The following AHNAK variants were observed in gnomAD, a reference collection of about 807,000 sequenced individuals.
The protein encoded by AHNAK is AHNAK nucleoprotein.
In AHNAK, 23 loss-of-function variants were observed where a neutral mutation model predicts 37.8. That is an observed-to-expected ratio of 0.61 (90% CI 0.44 to 0.86). AHNAK has a LOEUF of 0.86. Among genes scored for constraint, AHNAK ranks in the 40% least tolerant of loss-of-function variants. AHNAK has a pLI of 0.00. For missense variants in AHNAK, 7,411 were observed against 7,319.4 expected (o/e 1.01, Z -0.46); for synonymous variants, 2,481 against 2,636.3 (o/e 0.94, Z 1.80).
chr11:62,528,393 A>G lies in AHNAK; in HGVS notation c.6024T>C (p.Asp2008=). ...CACCTTCTACCTTGGGCACAGACAC[A>G]TCCATATCCCCTTTGACTTTGGGGC... is the stretch of plus-strand genomic sequence containing the variant. ...LKGPKVKGDM[D]VSVPKVEGEM... The change falls in exon 5 of 5, where the codon GAT becomes GAC. Residue 2008 remains aspartate (D), a synonymous_variant. Transcript: ENST00000378024. 6.2e-7 allele frequency: 1 copy of G among 1,613,132 alleles called. No individual in the cohort carries two copies. The highest frequency in any genetic ancestry group is 2.2e-5 in the East Asian group (1 of 44,806).
At position 62,450,129 on chromosome 11, in the gene AHNAK, ATT is replaced by A. The variant is rs1167126054; in HGVS notation, c.443-16240_443-16239del. Among the ~76,000 whole-genome samples the A allele has an allele frequency of 2.3e-4, 29 of 128,022 alleles. 1 individual carries two copies. Among genetic ancestry groups the A allele is most frequent in the East Asian group, 3.5e-4 (1 of 2,896 alleles). 84.0% of individuals were successfully genotyped at this position (128,022 alleles called of 152,430 possible). A position where few individuals can be genotyped will look rare whatever the true frequency, so the allele number is the denominator to read the frequency against. The stretch of plus-strand genomic sequence containing the variant: ...TTATTTTATTTTATTTTATTATTTT[ATT>A]TTATTTTATTTATTTTATTTATTTA... On this transcript the variant is annotated intron_variant, in intron 5 of 5. Transcript: ENST00000257247.
rs553021658 is a variant in AHNAK at position 62,529,598 on chromosome 11, C to G, written c.4819G>C (p.Asp1607His). The G allele has an allele frequency of 1.3e-5, 21 of 1,614,206 alleles. No homozygotes were observed. Among genetic ancestry groups the G allele is most frequent in the African/African-American group, 1.2e-4 (9 of 75,054 alleles). Residue 1607 changes from aspartate (D) to histidine (H), a missense_variant, in exon 5 of 5, where the codon GAC becomes CAC. By Grantham distance (81) the Asp-to-His change is moderately conservative (BLOSUM62 -1). Coordinates refer to ENST00000378024, the MANE Select transcript of AHNAK (RefSeq NM_001620.3). ...ACATCAATTTCAGGACCCTTCAAGT[C>G]TCCTTCCACTTTGGGAAGGGAAACA... is the stretch of plus-strand genomic sequence containing the variant. ...VDVSLPKVEG[D>H]LKGPEIDVKA... is the part of the protein sequence containing the mutation.
chr11:62,448,051 A>G (rs1938454555), intron 5 of AHNAK, among the ~76,000 whole-genome samples: 1 of 152,088 alleles, frequency 6.6e-6, no homozygotes, highest in Non-Finnish European at 1.5e-5. Flanking sequence ...GGAGCCAGCC[A>G]CGCAAAGGCA....
chr11:62,442,696 C>T (rs1360992522), intron 5 of AHNAK, among the ~76,000 whole-genome samples: 1 of 151,984 alleles, frequency 6.6e-6, no homozygotes, highest in East Asian at 2.0e-4. Context: ...CATGGCGAAA[C>T]CCATCTGTAC....
chr11:62,533,640 A>G lies in AHNAK; in HGVS notation c.777T>C (p.Asn259=), dbSNP rs761816916. ...PGIKVGGSGV[N]VNAKGLDLGG... ...CCAAGTCCAAGCCCTTTGCATTGAC[A>G]TTGACACCTGAGCCTCCCACCTTTA... The change falls in exon 5 of 5, where the codon AAT becomes AAC. Residue 259 remains asparagine, a synonymous_variant. Transcript: ENST00000378024. 1 of 1,614,114 alleles carries G rather than the reference A, an allele frequency of 6.2e-7. No homozygotes were observed. Among genetic ancestry groups the G allele is most frequent in the Non-Finnish European group, 8.5e-7 (1 of 1,180,022 alleles).
Position 62,535,085 on chromosome 11 carries a change from T to C in AHNAK, c.260A>G (p.His87Arg). Residue 87 changes from histidine to arginine, a missense_variant, in exon 4 of 5, where the codon CAC becomes CGC. His to Arg is a conservative substitution (Grantham distance 29). Transcript: ENST00000378024. ...MGHHTVGLKL[H>R]RKGDRSPEPG... ...CTCGGGAGAGCGGTCCCCCTTGCGG[T>C]GCAGCTTCAGGCCCACCGTGTGGTG... is the stretch of plus-strand genomic sequence containing the variant. 1 of 1,613,986 alleles carries C rather than the reference T, an allele frequency of 6.2e-7. No individual in the cohort carries two copies. Among genetic ancestry groups the C allele is most frequent in the Non-Finnish European group, 8.5e-7 (1 of 1,179,970 alleles).
Position 62,532,976 on chromosome 11 carries a change from C to A in AHNAK, c.1441G>T (p.Gly481Ter). 1 of 1,614,152 alleles carries A rather than the reference C, an allele frequency of 6.2e-7. No individual in the cohort carries two copies. Among genetic ancestry groups the A allele is most frequent in the Non-Finnish European group, 8.5e-7 (1 of 1,180,030 alleles). ...TTCACTTTAGTACCTTTCATCTTTC[C>A]TTCCAGCCCACCAGTAGCAATCTCA... Reference protein sequence around the residue: ...LPEIATGGLEGKMKGTKVKTP... With the variant: ...LPEIATGGLE The change falls in exon 5 of 5, where the codon GGA becomes TGA. Residue 481 changes from glycine (G) to a stop codon, truncating the protein, a stop_gained. Coordinates refer to ENST00000378024, the MANE Select transcript of AHNAK (RefSeq NM_001620.3). LOFTEE classifies it low-confidence loss of function (END_TRUNC).
At chr11:62,442,473 G>A (rs928873755) in intron 5 of AHNAK, among the ~76,000 whole-genome samples, 51 of 152,168 alleles carry the variant, frequency 3.4e-4, no homozygotes, top group African/African-American at 1.2e-3. Context: ...ACCTGAGGCC[G>A]GGAAGTCAAG....
intron 5 of AHNAK, among the ~76,000 whole-genome samples, chr11:62,464,063 C>T (rs1450161094): frequency 6.6e-6 from 1 of 151,200 alleles, no homozygotes; most frequent in Non-Finnish European, 1.5e-5. Flanking sequence ...CTACCGTGCC[C>T]GATGAGTTTT....
rs1940362377 is a variant in AHNAK at position 62,523,725 on chromosome 11, A to G, written c.10692T>C (p.Ser3564=). The change falls in exon 5 of 5, where the codon TCT becomes TCC. Residue 3564 remains serine, a synonymous_variant. Coordinates refer to ENST00000378024, the MANE Select transcript of AHNAK (RefSeq NM_001620.3). The part of the protein sequence containing the change: ...GPKVKGDVDI[S]LPKLEGDLKG... ...TCAGATCCCCTTCAAGTTTGGGAAG[A>G]GAAATATCCACATCACCTTTCACCT... 1 of 1,613,344 alleles carries G rather than the reference A, an allele frequency of 6.2e-7. No individual in the cohort carries two copies. Among genetic ancestry groups the G allele is most frequent in the African/African-American group, 1.3e-5 (1 of 74,658 alleles).
chr11:62,484,851 G>A (rs764098700), intron 5 of AHNAK, among the ~76,000 whole-genome samples: 1 of 152,150 alleles, frequency 6.6e-6, no homozygotes, highest in Non-Finnish European at 1.5e-5. Flanking sequence ...GTGCAATTGC[G>A]TGATCTCAGC....
downstream of AHNAK, among the ~76,000 whole-genome samples, chr11:62,512,522 T>G (rs750060061): frequency 1.8e-4 from 27 of 152,154 alleles, no homozygotes; most frequent in Non-Finnish European, 3.2e-4. This position sits in a 1 kb window ranked among gnomAD's most constrained non-coding sequence, Gnocchi z 4.0. Flanking sequence ...GTCTCTTTAT[T>G]AGGTCTCTCT....
chr11:62,531,987 C>T lies in AHNAK; in HGVS notation c.2430G>A (p.Glu810=). The part of the protein sequence containing the change: ...KLKGPKFKMP[E]MNIKVPKISM... ...AGATCTTGGGGACTTTGATGTTCATCTCAGGCATCTTAAACTTGGGCCCTT... is the reference window on the plus strand; with the variant it reads ...AGATCTTGGGGACTTTGATGTTCATTTCAGGCATCTTAAACTTGGGCCCTT... Residue 810 remains glutamate (E), a synonymous_variant, in exon 5 of 5, where the codon GAG becomes GAA. Coordinates refer to ENST00000378024, the MANE Select transcript of AHNAK (RefSeq NM_001620.3). The T allele has an allele frequency of 6.2e-7, 1 of 1,613,168 alleles. No homozygotes were observed. The highest frequency in any genetic ancestry group is 8.5e-7 in the Non-Finnish European group (1 of 1,179,766).
intron 5 of AHNAK, among the ~76,000 whole-genome samples, chr11:62,436,580 A>G (rs890872741): frequency 5.9e-5 from 9 of 151,772 alleles, no homozygotes; most frequent in Non-Finnish European, 1.0e-4. Flanking sequence ...GGTGCTCCAT[A>G]AATTATTATT....
At chr11:62,465,829 C>T (rs1938899995) in intron 5 of AHNAK, among the ~76,000 whole-genome samples, 1 of 152,012 alleles carries the variant, frequency 6.6e-6, no homozygotes, top group Admixed American at 6.6e-5. Context: ...GCACCAGCAG[C>T]TAGAAAGAGG....
rs368209141 is a variant in AHNAK, at chr11:62,527,847, G to A, written c.6570C>T (p.Asn2190=). The change falls in exon 5 of 5, where the codon AAC becomes AAT. Residue 2190 remains asparagine (N), a synonymous_variant. Coordinates refer to ENST00000378024, the MANE Select transcript of AHNAK (RefSeq NM_001620.3). Reference sequence around the variant, plus strand: ...TGACTTTGGGGCCTTTCAAGTTTAAGTTCACATCAGGCATGGAGATCTTGG... The same window carrying A: ...TGACTTTGGGGCCTTTCAAGTTTAAATTCACATCAGGCATGGAGATCTTGG... The part of the protein sequence containing the change: ...KTPKISMPDV[N]LNLKGPKVKG... The A allele has an allele frequency of 2.4e-4, 391 of 1,604,640 alleles. No homozygotes were observed. The highest frequency in any genetic ancestry group is 3.2e-4 in the Non-Finnish European group (372 of 1,176,666).
chr11:62,475,753 C>T (rs546555718), intron 5 of AHNAK, among the ~76,000 whole-genome samples: 3 of 151,616 alleles, frequency 2.0e-5, no homozygotes, highest in South Asian at 2.1e-4. Context: ...TACAGGCGCC[C>T]GCCATCACAC....
intron 1 of AHNAK, among the ~76,000 whole-genome samples, chr11:62,543,962 C>CGGTCT (rs1941215481): frequency 1.3e-5 from 2 of 152,100 alleles, no homozygotes; most frequent in South Asian, 2.1e-4. Context: ...CTAGCTCTCC[C>CGGTCT]GGTCTGTCTC....
At chr11:62,514,976 C>T (rs1028108927), downstream of AHNAK, among the ~76,000 whole-genome samples, 2 of 152,110 alleles carry the variant, frequency 1.3e-5, no homozygotes, top group East Asian at 1.9e-4. Flanking sequence ...TGCAGAGCTG[C>T]CTCCACTGGC....
Sources: allele counts gnomAD v4.1 joint callset (sites outside exome capture counted in the v4.1 genomes callset), GRCh38; gene constraint gnomAD v4.1.1; non-coding constraint Gnocchi (gnomAD v3.1); transcripts MANE v1.5; gene names NCBI Gene and HGNC (gene_info 2026-07-23, HGNC 2026-07-21).